TOX2: variants seen among roughly 807,000 people sequenced by gnomAD.
The protein encoded by TOX2 is TOX high mobility group box family member 2.
A neutral mutation model predicts 47.4 loss-of-function variants in TOX2; 15 were observed. The observed-to-expected ratio is 0.32, with a 90% CI of 0.21 to 0.49. The LOEUF (loss-of-function observed/expected upper bound fraction) is 0.49, where lower values mean the gene tolerates loss of function less well. Ranked by LOEUF, TOX2 falls within the 20% of genes least tolerant of loss-of-function variation. The pLI, the probability that TOX2 is intolerant of heterozygous loss-of-function variation, is 0.99. For synonymous variants in TOX2, 290 were observed against 296.6 expected, an observed-to-expected ratio of 0.98 and a Z score of 0.23; for missense variants, 622 against 673.1, an observed-to-expected ratio of 0.92 and a Z score of 0.84.
At chr20:43,927,899 T>A (rs1398890038) in intron 1 of TOX2, among the ~76,000 whole-genome samples, 2 of 151,968 alleles carry the variant, frequency 1.3e-5, no homozygotes, top group South Asian at 2.1e-4. Flanking sequence ...CATGGTCCTT[T>A]TCCTTGAGAA....
intron 3 of TOX2, among the ~76,000 whole-genome samples, chr20:44,029,730 A>G (rs919982501): frequency 6.6e-6 from 1 of 152,102 alleles, no homozygotes; most frequent in Non-Finnish European, 1.5e-5. Flanking sequence ...GTCCTGTGAC[A>G]CCTGCTTACT....
intron 2 of TOX2, among the ~76,000 whole-genome samples, chr20:43,991,679 T>G (rs2070371831): frequency 6.6e-6 from 1 of 151,190 alleles, no homozygotes; most frequent in Non-Finnish European, 1.5e-5. Flanking sequence ...AGTCTTGCTC[T>G]GTCATCCAGG....
Position 44,068,673 on chromosome 20 carries a change from T to C in TOX2, c.1508T>C (p.Leu503Pro). Reference protein sequence around the residue: ...TCSLLPRDKSLYLT With the variant: ...TCSLLPRDKSPYLT ...AGCCTGCTCCCCAGGGACAAATCGC[T>C]CTACCTCACCTAATCCCGCCTCCCT... The change falls in exon 9 of 9, where the codon CTC becomes CCC. Residue 503 changes from leucine to proline, a missense_variant. Transcript: ENST00000341197. 1 of 1,613,720 alleles carries C rather than the reference T, an allele frequency of 6.2e-7. No homozygotes were observed.
intron 1 of TOX2, among the ~76,000 whole-genome samples, chr20:43,946,233 G>T (rs574562399): frequency 6.2e-4 from 95 of 152,320 alleles, no homozygotes; most frequent in African/African-American, 1.9e-3. Flanking sequence ...TTCTGGAGGC[G>T]GTTTGGGCTG....
intron 2 of TOX2, among the ~76,000 whole-genome samples, 165 bp from the exon 3 acceptor site, chr20:44,006,382 G>C (rs943800482): frequency 6.6e-6 from 1 of 152,186 alleles, no homozygotes; most frequent in Non-Finnish European, 1.5e-5. Context: ...GAGTCTGACC[G>C]AGTTAGGGCA....
intron 1 of TOX2, among the ~76,000 whole-genome samples, chr20:43,932,297 C>T (rs1051703305): frequency 2.0e-5 from 3 of 152,150 alleles, no homozygotes; most frequent in African/African-American, 7.2e-5. Flanking sequence ...TATCTCTTGC[C>T]AAATCTGCCT....
chr20:43,927,243 C>G (rs1293595168), intron 1 of TOX2, among the ~76,000 whole-genome samples: 2 of 152,094 alleles, frequency 1.3e-5, no homozygotes, highest in Admixed American at 6.5e-5. Flanking sequence ...GTTAACGTCC[C>G]ACTTTCCTCA....
intron 2 of TOX2, among the ~76,000 whole-genome samples, chr20:43,984,167 C>A (rs2070222069): frequency 6.6e-6 from 1 of 152,160 alleles, no homozygotes; most frequent in Non-Finnish European, 1.5e-5. Flanking sequence ...AGGCCTTTTG[C>A]AAGCATTTCC....
intron 3 of TOX2, among the ~76,000 whole-genome samples, chr20:44,031,317 C>T (rs1323623425): frequency 6.6e-6 from 1 of 152,134 alleles, no homozygotes; most frequent in African/African-American, 2.4e-5. Flanking sequence ...TATGACTGAG[C>T]AGGACTCCTC....
At position 44,068,851 on chromosome 20, in the gene TOX2, A is replaced by ACTCTGCAGTGGGCTGC; in HGVS notation, c.*173_*174insTGGGCTGCCTCTGCAG. The stretch of plus-strand genomic sequence containing the variant: ...AGTCTCTTCCTCAACCTCCCACCAG[A>ACTCTGCAGTGGGCTGC]CTCTGCAGAGGCAGCCCACTGCCCA... On this transcript the variant is annotated 3_prime_UTR_variant, in exon 9 of 9. Coordinates refer to ENST00000341197, the MANE Select transcript of TOX2 (RefSeq NM_001098797.2). 1.0e-6 allele frequency: 1 copy of ACTCTGCAGTGGGCTGC among 959,718 alleles called. No homozygotes were observed. Among genetic ancestry groups the ACTCTGCAGTGGGCTGC allele is most frequent in the Non-Finnish European group, 1.6e-6 (1 of 608,600 alleles). 59.5% of individuals were successfully genotyped at this position (959,718 alleles called of 1,614,324 possible).
At chr20:44,046,028 TA>T (rs2145733676) in intron 3 of TOX2, among the ~76,000 whole-genome samples, 1 of 152,354 alleles carries the variant, frequency 6.6e-6, no homozygotes, top group South Asian at 2.1e-4. Flanking sequence ...CAGTTCACTT[TA>T]AATCTGTCTC....
intron 3 of TOX2, among the ~76,000 whole-genome samples, chr20:44,050,301 G>T (rs1451219763): frequency 6.6e-6 from 1 of 152,144 alleles, no homozygotes; most frequent in East Asian, 1.9e-4. Context: ...TTAGAAAACA[G>T]AGAAGCAGAA....
rs1325521677 is a variant in TOX2, at chr20:43,934,167, G to GAGAGAGAGAGAGAGAGAGAGAGAGAGA, written c.99+19178_99+19179insGAGAGAGAGAGAGAGAGAGAGAGAGAA. Reference sequence around the variant, plus strand: ...AGAGAGAGAGAGAGAGAGAGAGAGAGACCTGCCCTCAGTCAGAAATGGCAG... The same window carrying GAGAGAGAGAGAGAGAGAGAGAGAGAGA: ...AGAGAGAGAGAGAGAGAGAGAGAGAGAGAGAGAGAGAGAGAGAGAGAGAGAGAACCTGCCCTCAGTCAGAAATGGCAG... On this transcript the variant is annotated intron_variant, in intron 1 of 8. Transcript: ENST00000341197. Among the ~76,000 whole-genome samples the GAGAGAGAGAGAGAGAGAGAGAGAGAGA allele has an allele frequency of 7.3e-5, 11 of 149,880 alleles. 1 individual carries two copies. The highest frequency in any genetic ancestry group is 2.7e-4 in the African/African-American group (11 of 40,450).
chr20:43,956,043 C>T (rs961073314), intron 1 of TOX2, among the ~76,000 whole-genome samples: 2 of 152,220 alleles, frequency 1.3e-5, no homozygotes, highest in Non-Finnish European at 1.5e-5. Flanking sequence ...CCCTCCAGCT[C>T]CCAGGCTTTG....
At chr20:44,013,254 G>T (rs1322964884) in intron 3 of TOX2, among the ~76,000 whole-genome samples, 2 of 152,138 alleles carry the variant, frequency 1.3e-5, no homozygotes, top group Non-Finnish European at 2.9e-5. Context: ...ACTCTGGGAG[G>T]TGCTTGATAT....
chr20:44,008,881 C>T (rs1049380122), intron 3 of TOX2, among the ~76,000 whole-genome samples: 3 of 152,226 alleles, frequency 2.0e-5, no homozygotes, highest in Admixed American at 1.3e-4. Context: ...TCACAAGGCC[C>T]ATTTCCACAC....
At chr20:44,017,384 T>C (rs1372568857) in intron 3 of TOX2, among the ~76,000 whole-genome samples, 1 of 152,168 alleles carries the variant, frequency 6.6e-6, no homozygotes, top group Non-Finnish European at 1.5e-5. Flanking sequence ...GGCCGTGATT[T>C]CAGCTTGGTG....
chr20:44,066,149 G>C, intron 7 of TOX2, 42 bp downstream of exon 7: 1 of 1,486,960 alleles, frequency 6.7e-7, no homozygotes, highest in East Asian at 2.3e-5. Context: ...TGACCGTGTG[G>C]GGAGGGGAAG....
At chr20:43,941,716 C>G (rs777576454) in intron 1 of TOX2, among the ~76,000 whole-genome samples, 2 of 152,182 alleles carry the variant, frequency 1.3e-5, no homozygotes, top group African/African-American at 2.4e-5. Context: ...TTTCCTGACT[C>G]GCTTCTGGTC....
Sources: allele counts gnomAD v4.1 joint callset (sites outside exome capture counted in the v4.1 genomes callset), GRCh38; gene constraint gnomAD v4.1.1; transcripts MANE v1.5; gene names NCBI Gene and HGNC (gene_info 2026-07-23, HGNC 2026-07-21).